The following KPNA5 variants were observed in gnomAD, a reference collection of about 807,000 sequenced individuals.
KPNA5 encodes the protein importin subunit alpha-6.
KPNA5 carries 46 observed loss-of-function variants against 71.3 expected under a neutral mutation model. The ratio of observed to expected loss-of-function variants is 0.65; its 90% CI spans 0.51 to 0.83. The LOEUF (loss-of-function observed/expected upper bound fraction) is 0.83, where lower values mean the gene tolerates loss of function less well. KPNA5 is among the 40% of genes least tolerant of loss of function. The pLI is 0.00. For missense variants in KPNA5, 547 were observed against 628.3 expected (o/e 0.87, Z 1.38); for synonymous variants, 207 against 201.4 (o/e 1.03, Z -0.24).
In KPNA5 at chr6:116,683,554, A is replaced by G. The variant is rs574976129; in HGVS notation, c.4+2216A>G. ...TAATACCAAACATTGTTATTAGTAA[A>G]GTTATGTTGAGCGGTTTCCCTCTTT... is the stretch of plus-strand genomic sequence containing the variant. On this transcript the variant is annotated intron_variant, in intron 1 of 13. Coordinates refer to ENST00000368564, the MANE Select transcript of KPNA5 (RefSeq NM_001366306.2). Among the ~76,000 whole-genome samples, 10 of 152,204 alleles carry G rather than the reference A, an allele frequency of 6.6e-5. No homozygotes were observed. In the South Asian group the frequency reaches 2.1e-3, roughly 32 times the overall value.
At chr6:116,726,721 T>C (rs529728680) in intron 12 of KPNA5, 99 bp downstream of exon 12, 2 of 1,051,640 alleles carry the variant, frequency 1.9e-6, no homozygotes, top group Admixed American at 3.4e-5. Flanking sequence ...ATATTATTTC[T>C]AAGTCAGTTT....
intron 9 of KPNA5, among the ~76,000 whole-genome samples, chr6:116,723,424 C>G (rs1299885045): frequency 2.0e-5 from 3 of 152,142 alleles, no homozygotes; most frequent in Non-Finnish European, 4.4e-5. Flanking sequence ...AAACACTACT[C>G]TCCATTGAAA....
intron 2 of KPNA5, 84 bp downstream of exon 2, chr6:116,689,537 T>A: frequency 8.3e-7 from 1 of 1,198,414 alleles, no homozygotes; most frequent in East Asian, 2.7e-5. Flanking sequence ...GGAAATGTTT[T>A]AAGAAATTGA....
At chr6:116,681,970 A>G (rs778173018) in intron 1 of KPNA5, among the ~76,000 whole-genome samples, 10 of 152,190 alleles carry the variant, frequency 6.6e-5, no homozygotes, top group Non-Finnish European at 1.3e-4. Context: ...ATATGTCTAA[A>G]GAATATGACA....
chr6:116,683,375 T>G (rs1777432920), intron 1 of KPNA5, among the ~76,000 whole-genome samples: 1 of 152,172 alleles, frequency 6.6e-6, no homozygotes, highest in Non-Finnish European at 1.5e-5. Flanking sequence ...TTTAAGAGTT[T>G]TATTTCCATG....
At chr6:116,690,605 T>C (rs931062943) in intron 2 of KPNA5, among the ~76,000 whole-genome samples, 1 of 145,028 alleles carries the variant, frequency 6.9e-6, no homozygotes, top group Non-Finnish European at 1.5e-5. Context: ...TTGATGCCAC[T>C]GCACTCCAGC....
At position 116,725,797 on chromosome 6, in the gene KPNA5, G is replaced by A. The variant is rs1779266541; in HGVS notation, c.1046G>A (p.Ser349Asn). The A allele has an allele frequency of 6.2e-7, 1 of 1,613,000 alleles. No individual in the cohort carries two copies. Among genetic ancestry groups the A allele is most frequent in the Non-Finnish European group, 8.5e-7 (1 of 1,179,448 alleles). The change falls in exon 11 of 14, where the codon AGT (serine) becomes AAT (asparagine). Residue 349 changes from serine (S) to asparagine (N), a missense_variant. By Grantham distance (46) the Ser-to-Asn change is conservative (BLOSUM62 1). Transcript: ENST00000368564. ...TTACCCTGTCTCTTACATTTATTGA[G>A]TAGCCCAAAGGAGTCAATTAGAAAA... ...SALPCLLHLLSSPKESIRKEA... is the reference protein window; with the variant it reads ...SALPCLLHLLNSPKESIRKEA...
At chr6:116,694,940 A>G (rs1777965138) in intron 4 of KPNA5, among the ~76,000 whole-genome samples, 1 of 152,082 alleles carries the variant, frequency 6.6e-6, no homozygotes, top group African/African-American at 2.4e-5. Flanking sequence ...TTTTATGAAC[A>G]TTCACAATTC....
chr6:116,684,479 G>A (rs1194178209), intron 1 of KPNA5, among the ~76,000 whole-genome samples: 2 of 152,224 alleles, frequency 1.3e-5, no homozygotes, highest in African/African-American at 2.4e-5. Context: ...ATGAATCAAT[G>A]AATGAATAAA....
chr6:116,715,339 T>C (rs1000184899), intron 7 of KPNA5, among the ~76,000 whole-genome samples: 6 of 152,284 alleles, frequency 3.9e-5, no homozygotes, highest in African/African-American at 1.4e-4. Flanking sequence ...TCTAAAAGTT[T>C]CAATTACTAC....
chr6:116,709,239 A>G (rs1208343560), intron 7 of KPNA5, among the ~76,000 whole-genome samples: 1 of 152,210 alleles, frequency 6.6e-6, no homozygotes, highest in African/African-American at 2.4e-5. Context: ...CTGTAGTCTC[A>G]GATACTTGGG....
chr6:116,705,130 T>C lies in KPNA5; in HGVS notation c.626T>C (p.Leu209Ser), dbSNP rs1273718021. Residue 209 changes from leucine to serine, a missense_variant, in exon 7 of 14, where the codon TTG becomes TCG. By Grantham distance (145) the Leu-to-Ser change is moderately radical. Transcript: ENST00000368564. ...AATGCAGAATGCAGAGATTTTGTTT[T>C]GAATTGTGAAATACTTCCACCTCTT... is the stretch of plus-strand genomic sequence containing the variant. ...GDNAECRDFV[L>S]NCEILPPLLE... 6.2e-7 allele frequency: 1 copy of C among 1,612,662 alleles called. No homozygotes were observed. Among genetic ancestry groups the C allele is most frequent in the Non-Finnish European group, 8.5e-7 (1 of 1,179,488 alleles).
intron 4 of KPNA5, among the ~76,000 whole-genome samples, chr6:116,692,636 A>G (rs906674922): frequency 1.3e-5 from 2 of 152,178 alleles, no homozygotes; most frequent in African/African-American, 4.8e-5. Flanking sequence ...AAAAAGATTA[A>G]TCCTGCTGCC....
chr6:116,710,380 G>C (rs1484394557), intron 7 of KPNA5, among the ~76,000 whole-genome samples: 1 of 151,788 alleles, frequency 6.6e-6, no homozygotes, highest in Non-Finnish European at 1.5e-5. Context: ...ATGAGGAAGT[G>C]TTCTCTTTTT....
Position 116,716,330 on chromosome 6 carries a change from A to T in KPNA5, c.756+12A>T. On this transcript the variant is annotated intron_variant, in intron 8 of 13. Coordinates refer to ENST00000368564, the MANE Select transcript of KPNA5 (RefSeq NM_001366306.2). ...CAAACTTTAGTAAGGTATGAGTAAAATACACAAATTAAAATATTTGTTTCC... is the reference window on the plus strand; with the variant it reads ...CAAACTTTAGTAAGGTATGAGTAAATTACACAAATTAAAATATTTGTTTCC... The T allele has an allele frequency of 1.3e-6, 2 of 1,522,548 alleles. No homozygotes were observed. Among genetic ancestry groups the T allele is most frequent in the Non-Finnish European group, 1.8e-6 (2 of 1,102,402 alleles). The allele number at this position is 1,522,548 out of a possible 1,614,324, so 94.3% of individuals were successfully genotyped here. A position where few individuals can be genotyped will look rare whatever the true frequency, so the allele number is the denominator to read the frequency against.
chr6:116,719,508 TG>T (rs1779025684), intron 8 of KPNA5, among the ~76,000 whole-genome samples: 1 of 151,270 alleles, frequency 6.6e-6, no homozygotes. Context: ...TGCTGGAAGA[TG>T]GGTAGATTGG....
chr6:116,692,078 T>C lies in KPNA5; in HGVS notation c.162T>C (p.Tyr54=), dbSNP rs1198502486. 1 of 1,611,752 alleles carries C rather than the reference T, an allele frequency of 6.2e-7. No individual in the cohort carries two copies. Among genetic ancestry groups the C allele is most frequent in the Admixed American group, 1.7e-5 (1 of 59,924 alleles). ...AGTTGTTCAAACGCAGAAATGTCTATTTGCCCAGAAATGATGAATCTATGC... is the reference window on the plus strand; with the variant it reads ...AGTTGTTCAAACGCAGAAATGTCTACTTGCCCAGAAATGATGAATCTATGC... ...EEQLFKRRNV[Y]LPRNDESMLE... The change falls in exon 3 of 14, where the codon TAT becomes TAC. Residue 54 remains tyrosine, a synonymous_variant. Transcript: ENST00000368564.
At position 116,726,581 on chromosome 6, in the gene KPNA5, T is replaced by G; in HGVS notation, c.1212T>G (p.Ala404=). 1 of 1,612,406 alleles carries G rather than the reference T, an allele frequency of 6.2e-7. No individual in the cohort carries two copies. The highest frequency in any genetic ancestry group is 8.5e-7 in the Non-Finnish European group (1 of 1,179,150). Reference sequence around the variant, plus strand: ...GTACCAGAAAAGAAGCAGCTTGGGCTATAACTAATGCAACATCAGGAGGTA... The same window carrying G: ...GTACCAGAAAAGAAGCAGCTTGGGCGATAACTAATGCAACATCAGGAGGTA... ...EFRTRKEAAW[A]ITNATSGGTP... Residue 404 remains alanine (A), a synonymous_variant, in exon 12 of 14, where the codon GCT becomes GCG. Coordinates refer to ENST00000368564, the MANE Select transcript of KPNA5 (RefSeq NM_001366306.2).
At chr6:116,723,595 G>A (rs868147522) in intron 9 of KPNA5, among the ~76,000 whole-genome samples, 1 of 152,102 alleles carries the variant, frequency 6.6e-6, no homozygotes, top group Non-Finnish European at 1.5e-5. Context: ...GGGACAGTTT[G>A]TGCTTTGAAA....
Sources: gnomAD v4.1 joint callset for allele counts (sites outside exome capture counted in the v4.1 genomes callset) on GRCh38, gnomAD v4.1.1 for gene constraint, MANE v1.5 for transcripts, NCBI Gene and HGNC (gene_info 2026-07-23, HGNC 2026-07-21) for gene names.